The following KIF3A variants were observed in gnomAD, a reference collection of about 807,000 sequenced individuals.
KIF3A encodes kinesin-like protein KIF3A.
In KIF3A, 27 loss-of-function variants were observed where a neutral mutation model predicts 92.6. The observed-to-expected ratio is 0.29, with a 90% CI of 0.21 to 0.40. The LOEUF (loss-of-function observed/expected upper bound fraction) is 0.40, where lower values mean the gene tolerates loss of function less well. KIF3A is among the 10% of genes least tolerant of loss of function. The pLI is 1.00. For synonymous variants in KIF3A, 250 were observed against 275.4 expected, an observed-to-expected ratio of 0.91 and a Z score of 0.92; for missense variants, 581 against 872.6, an observed-to-expected ratio of 0.67 and a Z score of 4.21.
intron 2 of KIF3A, among the ~76,000 whole-genome samples, chr5:132,733,713 T>C (rs1000258761): frequency 6.6e-6 from 1 of 152,156 alleles, no homozygotes; most frequent in Non-Finnish European, 1.5e-5. Context: ...TGCAGTAAGC[T>C]ATGACTGCAC....
rs536880047 is a variant in KIF3A, at chr5:132,715,541, A to T, written c.1129+216T>A. ...TACAAAACATCATGCAAATGTTTTT[A>T]AAAAACCACATACACAAATATTATG... On this transcript the variant is annotated intron_variant, in intron 8 of 18. Transcript: ENST00000403231. 6.6e-5 allele frequency among the ~76,000 whole-genome samples: 10 copies of T among 152,348 alleles called. 1 individual carries two copies. In the South Asian group the frequency reaches 1.9e-3, roughly 28 times the overall value.
chr5:132,728,335 T>C (rs1345663790), intron 2 of KIF3A, among the ~76,000 whole-genome samples: 1 of 152,108 alleles, frequency 6.6e-6, no homozygotes, highest in Non-Finnish European at 1.5e-5. Flanking sequence ...CACCTGTAAA[T>C]AGCTGGGATT....
At chr5:132,711,638 A>AAT (rs1368093618) in intron 8 of KIF3A, among the ~76,000 whole-genome samples, 2 of 152,062 alleles carry the variant, frequency 1.3e-5, no homozygotes, top group East Asian at 3.9e-4. Context: ...TATAATTTTA[A>AAT]ATATATATAT....
intron 15 of KIF3A, 105 bp from the exon 16 acceptor site, chr5:132,700,805 A>G (rs1753010801): frequency 1.5e-6 from 1 of 686,584 alleles, no homozygotes; most frequent in Non-Finnish European, 2.6e-6. Flanking sequence ...AAAAGTCTCA[A>G]AACATTATAT....
In KIF3A at chr5:132,716,232, A is replaced by T; in HGVS notation, c.954+13T>A. The T allele has an allele frequency of 6.3e-7, 1 of 1,591,544 alleles. No homozygotes were observed. Among genetic ancestry groups the T allele is most frequent in the Non-Finnish European group, 8.6e-7 (1 of 1,160,014 alleles). ...TTTGCCTGATGTTAACTATATCACC[A>T]ATTAAGTCTTACCATCATGGTTTTT... On this transcript the variant is annotated intron_variant, in intron 7 of 18. Transcript: ENST00000403231.
intron 5 of KIF3A, among the ~76,000 whole-genome samples, chr5:132,718,102 C>T (rs1337492852): frequency 6.6e-6 from 1 of 151,998 alleles, no homozygotes; most frequent in Non-Finnish European, 1.5e-5. Flanking sequence ...ACAATCTGTC[C>T]TTTCATTCTG....
intron 1 of KIF3A, among the ~76,000 whole-genome samples, chr5:132,734,846 A>T (rs1238630869): frequency 2.0e-5 from 3 of 152,120 alleles, no homozygotes; most frequent in Non-Finnish European, 4.4e-5. Context: ...AACAACTTTA[A>T]CTCAAGAAAA....
chr5:132,716,801 A>T, intron 6 of KIF3A, 44 bp downstream of exon 6: 1 of 1,584,164 alleles, frequency 6.3e-7, no homozygotes, highest in Non-Finnish European at 8.6e-7. Flanking sequence ...AAATAAATGG[A>T]TCACAAGAAA....
Position 132,726,509 on chromosome 5 carries a change from T to A in KIF3A, c.281-11A>T, listed in dbSNP as rs138692425. The A allele has an allele frequency of 6.2e-7, 1 of 1,611,188 alleles. No homozygotes were observed. The highest frequency in any genetic ancestry group is 1.3e-5 in the African/African-American group (1 of 74,862). On this transcript the variant is annotated splice_polypyrimidine_tract_variant and intron_variant, in intron 2 of 18. Transcript: ENST00000403231. ...ATGCAAAAATAGTCCCTGAAAATGA[T>A]GAAGAGAATCAGTTACTTCTTAAAG...
At chr5:132,714,936 T>C (rs1753566280) in intron 8 of KIF3A, among the ~76,000 whole-genome samples, 1 of 152,156 alleles carries the variant, frequency 6.6e-6, no homozygotes, top group South Asian at 2.1e-4. Context: ...AACACCAAAT[T>C]TCATTATCTA....
intron 13 of KIF3A, 35 bp downstream of exon 13, chr5:132,702,850 C>A: frequency 6.3e-7 from 1 of 1,596,270 alleles, no homozygotes; most frequent in South Asian, 1.1e-5. Context: ...ATCTCTCTGG[C>A]AAAATACCAA....
rs542640032 is a variant in KIF3A, at chr5:132,695,869, T to C, written c.*765A>G. On this transcript the variant is annotated 3_prime_UTR_variant, in exon 19 of 19. Coordinates refer to ENST00000403231, the MANE Select transcript of KIF3A (RefSeq NM_001300791.2). Reference sequence around the variant, plus strand: ...GCAGGCAAAGATAACTGAGCAGTATTTAGCTTCTTAATTTTCCGCAACAGT... The same window carrying C: ...GCAGGCAAAGATAACTGAGCAGTATCTAGCTTCTTAATTTTCCGCAACAGT... 2.0e-5 allele frequency: 3 copies of C among 152,414 alleles called. No homozygotes were observed. The South Asian group carries it at 6.2e-4, about 32-fold the overall frequency. The allele number at this position is 152,414 out of a possible 1,614,324, so 9.4% of individuals were successfully genotyped here.
intron 8 of KIF3A, among the ~76,000 whole-genome samples, chr5:132,711,935 C>G (rs1258456487): frequency 6.6e-6 from 1 of 152,060 alleles, no homozygotes; most frequent in Non-Finnish European, 1.5e-5. Flanking sequence ...CAGATCAGCA[C>G]TATATCATCT....
At chr5:132,691,531 G>A (rs544439542), downstream of KIF3A, among the ~76,000 whole-genome samples, 70 of 141,160 alleles carry the variant, frequency 5.0e-4, no homozygotes, top group African/African-American at 6.8e-4. Flanking sequence ...TGGCCAACAA[G>A]AGCCAAACTC....
intron 10 of KIF3A, among the ~76,000 whole-genome samples, chr5:132,707,135 T>G (rs1212417374): frequency 6.6e-6 from 1 of 152,102 alleles, no homozygotes; most frequent in Non-Finnish European, 1.5e-5. Context: ...AAGGGCTTTT[T>G]TTTTTTTCCA....
chr5:132,713,005 A>AAAATTAGCTGGGCG (rs2149903535), intron 8 of KIF3A, among the ~76,000 whole-genome samples: 1 of 152,280 alleles, frequency 6.6e-6, no homozygotes, highest in East Asian at 1.9e-4. Flanking sequence ...TAAAAATACG[A>AAAATTAGCTGGGCG]AAATTAGCTG....
At chr5:132,700,182 G>A in intron 17 of KIF3A, 34 bp downstream of exon 17, 1 of 1,148,292 alleles carries the variant, frequency 8.7e-7, no homozygotes, top group Non-Finnish European at 1.3e-6. Context: ...CAGTAGTTTT[G>A]TGTTTTGTTT....
chr5:132,724,807 ATATATATATATATATATATAT>A (rs1214195418), intron 4 of KIF3A, among the ~76,000 whole-genome samples: 1 of 30,108 alleles, frequency 3.3e-5, no homozygotes, highest in African/African-American at 1.1e-4. Flanking sequence ...AAAAAAAAAA[ATATATATATATATATATATAT>A]ATATATATAT....
At chr5:132,724,100 A>G (rs945372081) in intron 4 of KIF3A, among the ~76,000 whole-genome samples, 4 of 152,362 alleles carry the variant, frequency 2.6e-5, no homozygotes, top group Admixed American at 2.0e-4. Context: ...CCACAATGAG[A>G]TATCATCTCA....
Sources: allele counts gnomAD v4.1 joint callset (sites outside exome capture counted in the v4.1 genomes callset), GRCh38; gene constraint gnomAD v4.1.1; transcripts MANE v1.5; gene names NCBI Gene and HGNC (gene_info 2026-07-23, HGNC 2026-07-21).